SEMA3C: variants seen among roughly 807,000 people sequenced by gnomAD.
SEMA3C encodes semaphorin-3C.
Under a neutral mutation model 89.4 loss-of-function variants are expected in SEMA3C, and 47 were observed. The observed-to-expected ratio is 0.53, with a 90% confidence interval of 0.42 to 0.67. SEMA3C has a LOEUF of 0.67. SEMA3C is among the 30% of genes least tolerant of loss of function. SEMA3C has a pLI of 0.00. For synonymous variants in SEMA3C, 310 were observed against 320.2 expected (o/e 0.97, Z 0.34); for missense variants, 839 against 929.1 (o/e 0.90, Z 1.26).
chr7:80,793,007 C>T (rs80289884), intron 11 of SEMA3C, among the ~76,000 whole-genome samples: 6,385 of 152,226 alleles, frequency 0.042, 193 homozygotes, highest in Non-Finnish European at 0.063. Context: ...TATGTGCTAA[C>T]GTAAAATATT....
At chr7:80,830,925 T>G (rs1733135056) in intron 2 of SEMA3C, among the ~76,000 whole-genome samples, 1 of 152,058 alleles carries the variant, frequency 6.6e-6, no homozygotes, top group Non-Finnish European at 1.5e-5. Flanking sequence ...ATCCAAGAGC[T>G]GAGAACATGG....
At chr7:80,863,898 A>ATG (rs1410337233) in intron 2 of SEMA3C, among the ~76,000 whole-genome samples, 55 of 134,266 alleles carry the variant, frequency 4.1e-4, no homozygotes, top group South Asian at 1.4e-3. Context: ...TATCACACAT[A>ATG]TATTACATAT....
At chr7:80,897,887 T>C (rs1791777997) in intron 2 of SEMA3C, among the ~76,000 whole-genome samples, 1 of 152,188 alleles carries the variant, frequency 6.6e-6, no homozygotes, top group Non-Finnish European at 1.5e-5. Flanking sequence ...AAATACATAA[T>C]AAAGCTATTT....
chr7:80,799,657 C>T (rs1276161348), intron 10 of SEMA3C, among the ~76,000 whole-genome samples: 1 of 150,466 alleles, frequency 6.6e-6, no homozygotes, highest in Non-Finnish European at 1.5e-5. Flanking sequence ...GCCTGACCAA[C>T]ATGGTGAAAC....
chr7:80,862,362 T>C (rs1320688120), intron 2 of SEMA3C, among the ~76,000 whole-genome samples: 1 of 151,904 alleles, frequency 6.6e-6, no homozygotes, highest in Non-Finnish European at 1.5e-5. Flanking sequence ...AACAATAAAA[T>C]ACTTAGGAAT....
At chr7:80,790,317 GAGGAGGAGGAGAA>G (rs1299478737) in intron 11 of SEMA3C, among the ~76,000 whole-genome samples, 1 of 151,886 alleles carries the variant, frequency 6.6e-6, no homozygotes, top group Non-Finnish European at 1.5e-5. Context: ...AAAAAAGGAG[GAGGAGGAGGAGAA>G]AGGAGGAGGA....
upstream of SEMA3C, among the ~76,000 whole-genome samples, chr7:80,919,567 T>G (rs1792369476): frequency 7.0e-6 from 1 of 142,062 alleles, no homozygotes; most frequent in African/African-American, 3.0e-5. Context: ...GCGTTTTTTT[T>G]TTGTTTTTTG....
intron 12 of SEMA3C, among the ~76,000 whole-genome samples, chr7:80,783,319 G>A (rs1484577460): frequency 6.6e-6 from 1 of 151,942 alleles, no homozygotes; most frequent in African/African-American, 2.4e-5. Flanking sequence ...TGATCAAGTA[G>A]TCATGACACC....
At position 80,795,060 on chromosome 7, in the gene SEMA3C, T is replaced by C. The variant is rs189434397; in HGVS notation, c.1131+3032A>G. Among the ~76,000 whole-genome samples, 16 of 152,206 alleles carry C rather than the reference T, an allele frequency of 1.1e-4. No homozygotes were observed. In the East Asian group the frequency reaches 2.9e-3, roughly 28 times the overall value. ...GGTTGACTGGGCAACCATACTACTGTAGGGGGAAATAAAGTAGGAAAATCA... is the reference window on the plus strand; with the variant it reads ...GGTTGACTGGGCAACCATACTACTGCAGGGGGAAATAAAGTAGGAAAATCA... On this transcript the variant is annotated intron_variant, in intron 11 of 17. Coordinates refer to ENST00000265361, the MANE Select transcript of SEMA3C (RefSeq NM_006379.5).
At chr7:80,826,145 G>A (rs554768662) in intron 4 of SEMA3C, among the ~76,000 whole-genome samples, 2 of 152,148 alleles carry the variant, frequency 1.3e-5, no homozygotes, top group East Asian at 1.9e-4. Flanking sequence ...TACACCTGGG[G>A]CTGTTAGGAG....
At chr7:80,855,915 G>A (rs1209219235) in intron 2 of SEMA3C, among the ~76,000 whole-genome samples, 3 of 151,984 alleles carry the variant, frequency 2.0e-5, no homozygotes, top group Non-Finnish European at 2.9e-5. Flanking sequence ...TTCATGTTAC[G>A]TTTTAACTAG....
chr7:80,808,158 A>C (rs916673242), intron 6 of SEMA3C, among the ~76,000 whole-genome samples: 13 of 152,196 alleles, frequency 8.5e-5, no homozygotes, highest in Non-Finnish European at 1.9e-4. Context: ...TAAATGACTT[A>C]AGATAATTTA....
intron 12 of SEMA3C, among the ~76,000 whole-genome samples, chr7:80,788,140 C>T (rs549711280): frequency 8.5e-5 from 13 of 152,224 alleles, no homozygotes; most frequent in South Asian, 4.1e-4. Flanking sequence ...GATTGAAGTA[C>T]GAGTGCAATT....
intron 3 of SEMA3C, among the ~76,000 whole-genome samples, chr7:80,827,822 A>G (rs758685183): frequency 1.8e-4 from 27 of 152,054 alleles, no homozygotes; most frequent in Non-Finnish European, 3.4e-4. Context: ...CCAACTGCTT[A>G]TATGACAATA....
intron 4 of SEMA3C, among the ~76,000 whole-genome samples, chr7:80,826,383 A>G (rs1789873738): frequency 6.6e-6 from 1 of 152,184 alleles, no homozygotes; most frequent in Admixed American, 6.5e-5. Flanking sequence ...ACCTGAATGT[A>G]TGTGTACGTG....
chr7:80,917,298 T>TTGTCTCTGGACAATGG (rs1299837098), intron 1 of SEMA3C, among the ~76,000 whole-genome samples: 3 of 152,214 alleles, frequency 2.0e-5, no homozygotes, highest in Non-Finnish European at 4.4e-5. Flanking sequence ...TTTGGAGTAA[T>TTGTCTCTGGACAATGG]TGTCTCTGGA....
chr7:80,758,617 A>C, intron 14 of SEMA3C, 129 bp from the exon 15 acceptor site: 3 of 919,838 alleles, frequency 3.3e-6, no homozygotes, highest in Non-Finnish European at 5.1e-6. Context: ...ACATGAAGCA[A>C]AGCACAGAAG....
chr7:80,846,420 G>A (rs901151691), intron 2 of SEMA3C, among the ~76,000 whole-genome samples: 10 of 152,232 alleles, frequency 6.6e-5, no homozygotes, highest in African/African-American at 2.2e-4. Flanking sequence ...GCAGTTGCAC[G>A]ATCACAGTTC....
At chr7:80,765,326 A>T in intron 12 of SEMA3C, 83 bp from the exon 13 acceptor site, 1 of 944,662 alleles carries the variant, frequency 1.1e-6, no homozygotes, top group Non-Finnish European at 1.7e-6. Context: ...GACTTGGACC[A>T]TTATTTACAT....
Sources: gnomAD v4.1 joint callset for allele counts (sites outside exome capture counted in the v4.1 genomes callset) on GRCh38, gnomAD v4.1.1 for gene constraint, MANE v1.5 for transcripts, NCBI Gene and HGNC (gene_info 2026-07-23, HGNC 2026-07-21) for gene names.